CLASP1: variants seen among roughly 807,000 people sequenced by gnomAD.
The protein encoded by CLASP1 is cytoplasmic linker associated protein 1, also known as CLIP-associating protein 1.
Under a neutral mutation model 192.3 loss-of-function variants are expected in CLASP1, and 38 were observed. The ratio of observed to expected loss-of-function variants is 0.20; its 90% confidence interval spans 0.15 to 0.26. CLASP1 has a LOEUF of 0.26. Ranked by LOEUF, CLASP1 falls within the 10% of genes least tolerant of loss-of-function variation. The pLI, the probability that CLASP1 is intolerant of heterozygous loss-of-function variation, is 1.00. For synonymous variants in CLASP1, 691 were observed against 712.8 expected (o/e 0.97, Z 0.49); for missense variants, 1,433 against 1,932.5 (o/e 0.74, Z 4.85).
At chr2:121,589,434 C>A (rs10205287) in intron 2 of CLASP1, among the ~76,000 whole-genome samples, 35,018 of 151,808 alleles carry the variant, frequency 0.23, 6,047 homozygotes, top group African/African-American at 0.48. Flanking sequence ...GTTTGAGATC[C>A]GCCTGGCCAA....
intron 8 of CLASP1, among the ~76,000 whole-genome samples, chr2:121,500,376 GA>G (rs142741911): frequency 4.2e-5 from 4 of 94,672 alleles, no homozygotes; most frequent in African/African-American, 2.2e-4. Context: ...AAGAAAGAAA[GA>G]AAGAAAGAAA....
At chr2:121,511,387 G>C (rs1050446541) in intron 7 of CLASP1, among the ~76,000 whole-genome samples, 1 of 152,018 alleles carries the variant, frequency 6.6e-6, no homozygotes, top group African/African-American at 2.4e-5. Context: ...TCGGGGGTTC[G>C]AGATCAGCCT....
chr2:121,543,603 A>G (rs1413664800), intron 2 of CLASP1, among the ~76,000 whole-genome samples: 1 of 152,094 alleles, frequency 6.6e-6, no homozygotes, highest in African/African-American at 2.4e-5. Context: ...CCTCCTGCCC[A>G]AGATTCCTAG....
intron 37 of CLASP1, among the ~76,000 whole-genome samples, chr2:121,358,546 C>T (rs1281530748): frequency 6.6e-6 from 1 of 152,184 alleles, no homozygotes; most frequent in African/African-American, 2.4e-5. Flanking sequence ...TCTTCTCTGG[C>T]ACACTGGTGC....
At chr2:121,549,872 G>A (rs2057858975) in intron 2 of CLASP1, among the ~76,000 whole-genome samples, 1 of 151,858 alleles carries the variant, frequency 6.6e-6, no homozygotes, top group East Asian at 1.9e-4. Flanking sequence ...CAGGCGTGGT[G>A]GCGGGTGCCT....
chr2:121,418,497 GAAAGAAA>G, intron 23 of CLASP1, 118 bp downstream of exon 23: 1 of 699,018 alleles, frequency 1.4e-6, no homozygotes, highest in South Asian at 1.8e-5. Flanking sequence ...TAAGGAAGAG[GAAAGAAA>G]GAAGAAAGGA....
At chr2:121,490,300 A>G (rs2150142918) in intron 8 of CLASP1, 1 of 454,978 alleles carries the variant, frequency 2.2e-6, no homozygotes, top group East Asian at 7.1e-5. Flanking sequence ...ATTGTCAGTA[A>G]TCCTGGTACC....
intron 1 of CLASP1, among the ~76,000 whole-genome samples, chr2:121,616,444 T>A (rs2066478076): frequency 1.3e-5 from 2 of 151,994 alleles, no homozygotes; most frequent in Non-Finnish European, 1.5e-5. Context: ...CAAAACTCTG[T>A]CTCAAAAAAA....
At chr2:121,386,969 G>A (rs1266152143) in intron 32 of CLASP1, among the ~76,000 whole-genome samples, 153 bp downstream of exon 33, 1 of 152,170 alleles carries the variant, frequency 6.6e-6, no homozygotes, top group Admixed American at 6.5e-5. Flanking sequence ...AGATTATACA[G>A]TTACAATTTG....
At chr2:121,635,421 C>T (rs1259534842) in intron 1 of CLASP1, among the ~76,000 whole-genome samples, 1 of 152,028 alleles carries the variant, frequency 6.6e-6, no homozygotes, top group African/African-American at 2.4e-5. Flanking sequence ...GAATAACCAA[C>T]ACCTCAGATA....
chr2:121,610,305 G>A (rs2065070907), intron 1 of CLASP1, among the ~76,000 whole-genome samples: 1 of 150,316 alleles, frequency 6.7e-6, no homozygotes, highest in Non-Finnish European at 1.5e-5. Flanking sequence ...AGTTATGAGA[G>A]GAAGAGGAAC....
chr2:121,406,797 C>T (rs2076973049), intron 25 of CLASP1, among the ~76,000 whole-genome samples: 1 of 152,068 alleles, frequency 6.6e-6, no homozygotes, highest in Non-Finnish European at 1.5e-5. Flanking sequence ...CCCTTTGTTG[C>T]CCAGGCTGGT....
intron 1 of CLASP1, among the ~76,000 whole-genome samples, chr2:121,615,882 A>G (rs2066370769): frequency 6.6e-6 from 1 of 152,232 alleles, no homozygotes; most frequent in African/African-American, 2.4e-5. Flanking sequence ...CTGTCAAGCA[A>G]TAATTCAAAA....
At chr2:121,544,695 C>A (rs897880540) in intron 2 of CLASP1, among the ~76,000 whole-genome samples, 3 of 151,972 alleles carry the variant, frequency 2.0e-5, no homozygotes, top group African/African-American at 7.3e-5. Flanking sequence ...TAAACACACA[C>A]GTACCACATG....
chr2:121,354,592 T>C (rs2149176569), intron 37 of CLASP1, among the ~76,000 whole-genome samples: 1 of 152,336 alleles, frequency 6.6e-6, no homozygotes, highest in South Asian at 2.1e-4. Flanking sequence ...CTGCTGGCTT[T>C]CTAGTGCAAG....
At chr2:121,403,907 G>T in intron 26 of CLASP1, 1 of 435,758 alleles carries the variant, frequency 2.3e-6, no homozygotes, top group Non-Finnish European at 4.6e-6. Flanking sequence ...GAAATAACCT[G>T]GTTTATCAAT....
At chr2:121,447,611 T>C in intron 18 of CLASP1, 104 bp from the exon 19 acceptor site, 1 of 957,536 alleles carries the variant, frequency 1.0e-6, no homozygotes. Flanking sequence ...AAATACCAAG[T>C]TTTAACAAAT....
chr2:121,451,076 T>C, intron 15 of CLASP1, 86 bp from the exon 16 acceptor site: 1 of 922,090 alleles, frequency 1.1e-6, no homozygotes, highest in Non-Finnish European at 1.7e-6. Flanking sequence ...AACTTCCAAA[T>C]GGCAACATGG....
intron 37 of CLASP1, among the ~76,000 whole-genome samples, chr2:121,360,296 G>A (rs756833334): frequency 6.6e-6 from 1 of 152,062 alleles, no homozygotes; most frequent in Non-Finnish European, 1.5e-5. Flanking sequence ...GCTAACTTTG[G>A]GATAAACAAA....
Sources: gnomAD v4.1 joint callset for allele counts (sites outside exome capture counted in the v4.1 genomes callset) on GRCh38, gnomAD v4.1.1 for gene constraint, MANE v1.5 for transcripts, NCBI Gene and HGNC (gene_info 2026-07-23, HGNC 2026-07-21) for gene names.